The following KCNC1 variants were observed in gnomAD, a reference collection of about 807,000 sequenced individuals.
The protein encoded by KCNC1 is potassium voltage-gated channel subfamily C member 1.
A neutral mutation model predicts 43.4 loss-of-function variants in KCNC1; 8 were observed. The observed-to-expected ratio is 0.18, with a 90% confidence interval of 0.11 to 0.33. The LOEUF (loss-of-function observed/expected upper bound fraction) is 0.33. Ranked by LOEUF, KCNC1 falls within the 10% of genes least tolerant of loss-of-function variation. The pLI is 1.00. For missense variants in KCNC1, 420 were observed against 836.0 expected (o/e 0.50, Z 6.14); for synonymous variants, 361 against 360.5 (o/e 1.00, Z -0.01).
chr11:17,772,197 G>A lies in KCNC1; in HGVS notation c.1103G>A (p.Arg368Lys). 4.3e-6 allele frequency: 7 copies of A among 1,614,068 alleles called. No individual in the cohort carries two copies. Among genetic ancestry groups the A allele is most frequent in the Non-Finnish European group, 5.9e-6 (7 of 1,180,022 alleles). ...GCCACCATGATCTACTACGCCGAGAGGATAGGGGCACAGCCCAATGACCCC... is the reference window on the plus strand; with the variant it reads ...GCCACCATGATCTACTACGCCGAGAAGATAGGGGCACAGCCCAATGACCCC... ...IFATMIYYAE[R>K]IGAQPNDPSA... Residue 368 changes from arginine to lysine, a missense_variant, in exon 2 of 4, where the codon AGG (arginine) becomes AAG (lysine). Physicochemically the swap from Arg to Lys is conservative, Grantham distance 26. Transcript: ENST00000265969.
chr11:17,738,825 A>G (rs1189378642), intron 1 of KCNC1, among the ~76,000 whole-genome samples: 2 of 152,098 alleles, frequency 1.3e-5, no homozygotes, highest in Admixed American at 6.5e-5. Context: ...CGGTACTGGG[A>G]TAGGAGCGGG....
chr11:17,766,440 T>C (rs1443158852), intron 1 of KCNC1, among the ~76,000 whole-genome samples: 1 of 152,166 alleles, frequency 6.6e-6, no homozygotes. Context: ...AGATCACTCA[T>C]GTGGGAAGCA....
chr11:17,738,624 C>T (rs1169286961), intron 1 of KCNC1, among the ~76,000 whole-genome samples: 1 of 152,196 alleles, frequency 6.6e-6, no homozygotes, highest in Admixed American at 6.5e-5. Flanking sequence ...CTGGCCCTCT[C>T]CTCCCACTGG....
intron 2 of KCNC1, chr11:17,775,281 T>A (rs1036878869): frequency 6.4e-6 from 6 of 935,854 alleles, no homozygotes; most frequent in Non-Finnish European, 7.6e-6. Context: ...TCTGAGGGCA[T>A]CCCTCCCGCC....
At chr11:17,748,714 GC>G (rs1848930615) in intron 1 of KCNC1, among the ~76,000 whole-genome samples, 1 of 152,030 alleles carries the variant, frequency 6.6e-6, no homozygotes, top group African/African-American at 2.4e-5. Context: ...GACGGGGCCT[GC>G]CCCATGGGTT....
In KCNC1 at chr11:17,773,932, G is replaced by C; in HGVS notation, c.1504+1334G>C. 1.0e-6 allele frequency: 1 copy of C among 985,458 alleles called. No individual in the cohort carries two copies. Among genetic ancestry groups the C allele is most frequent in the Non-Finnish European group, 1.2e-6 (1 of 829,952 alleles). The allele number at this position is 985,458 out of a possible 1,614,324, so 61.0% of individuals were successfully genotyped here. A position where few individuals can be genotyped will look rare whatever the true frequency, so the allele number is the denominator to read the frequency against. ...GCTGGCTAGCTCAGCCCCAGGTGGG[G>C]AAGTTTCCCCCTGGTTTGGGTGGCC... On this transcript the variant is annotated intron_variant, in intron 2 of 3. Transcript: ENST00000265969. This position sits in a 1 kb window ranked among gnomAD's most constrained non-coding sequence, Gnocchi z 4.1.
At chr11:17,768,870 G>C (rs530224012) in intron 1 of KCNC1, among the ~76,000 whole-genome samples, 2 of 152,348 alleles carry the variant, frequency 1.3e-5, no homozygotes, top group African/African-American at 4.8e-5. Context: ...GGCCTTCTAG[G>C]GGGGATCTGA....
At chr11:17,768,183 G>T (rs1197907103) in intron 1 of KCNC1, among the ~76,000 whole-genome samples, 3 of 152,176 alleles carry the variant, frequency 2.0e-5, no homozygotes, top group African/African-American at 7.2e-5. Context: ...TCTCCTGTGG[G>T]CCAGGGCTGT....
chr11:17,779,035 GCC>G lies in KCNC1; in HGVS notation c.1505-418_1505-417del, dbSNP rs1403892269. On this transcript the variant is annotated intron_variant, in intron 2 of 3. Transcript: ENST00000265969. The surrounding 1 kb of genome is among the most constrained non-coding windows in gnomAD (Gnocchi z 7.2). The stretch of plus-strand genomic sequence containing the variant: ...GTCAGCAGCAGAGGGGTCCGGAAAG[GCC>G]CCTCTCTGGACTGGAGTGTTTCTGC... 3 of 159,024 alleles carry G rather than the reference GCC, an allele frequency of 1.9e-5. No homozygotes were observed. The highest frequency in any genetic ancestry group is 4.1e-5 in the Non-Finnish European group (3 of 72,702). 9.9% of individuals were successfully genotyped at this position (159,024 alleles called of 1,614,324 possible).
At chr11:17,748,744 A>G (rs1351101797) in intron 1 of KCNC1, among the ~76,000 whole-genome samples, 1 of 152,132 alleles carries the variant, frequency 6.6e-6, no homozygotes, top group Non-Finnish European at 1.5e-5. Flanking sequence ...GTTCCAGCCC[A>G]GGGCTCAGTT....
chr11:17,777,747 CT>C lies in KCNC1; in HGVS notation c.1505-1700del, dbSNP rs1011942363. 15 of 980,404 alleles carry C rather than the reference CT, an allele frequency of 1.5e-5. No individual in the cohort carries two copies. Among genetic ancestry groups the C allele is most frequent in the Middle Eastern group, 1.1e-3 (2 of 1,898 alleles). The allele number at this position is 980,404 out of a possible 1,614,324, so 60.7% of individuals were successfully genotyped here. The stretch of plus-strand genomic sequence containing the variant: ...ATGCTTTGCCATCTTGTACGAAAGA[CT>C]TTTTTTTTAAGTTCCAAAATTATGA... On this transcript the variant is annotated intron_variant, in intron 2 of 3. Transcript: ENST00000265969. This position sits in a 1 kb window ranked among gnomAD's most constrained non-coding sequence, Gnocchi z 4.3.
chr11:17,737,279 G>A (rs1251765722), intron 1 of KCNC1, among the ~76,000 whole-genome samples: 5 of 152,162 alleles, frequency 3.3e-5, no homozygotes, highest in Admixed American at 3.3e-4. Context: ...CCTCCTTGTC[G>A]AAAGCGGAGG....
chr11:17,766,011 C>A, intron 1 of KCNC1: 1 of 152,946 alleles, frequency 6.5e-6, no homozygotes. Context: ...TGGGCTGGAG[C>A]TGCCTGTCCT....
chr11:17,774,050 T>C (rs1008450832), intron 2 of KCNC1: 1 of 985,530 alleles, frequency 1.0e-6, no homozygotes, highest in Non-Finnish European at 1.2e-6. Flanking sequence ...CCCACAGCTA[T>C]GCTGGCCCGA....
chr11:17,766,775 C>T (rs886387675), intron 1 of KCNC1, among the ~76,000 whole-genome samples: 12 of 152,168 alleles, frequency 7.9e-5, no homozygotes, highest in African/African-American at 2.7e-4. Context: ...GCCATTTAGA[C>T]ACAATCAGGG....
In KCNC1 at chr11:17,776,792, T is replaced by C; in HGVS notation, c.1505-2664T>C. 1 of 985,286 alleles carries C rather than the reference T, an allele frequency of 1.0e-6. No individual in the cohort carries two copies. Among genetic ancestry groups the C allele is most frequent in the Non-Finnish European group, 1.2e-6 (1 of 829,986 alleles). The allele number at this position is 985,286 out of a possible 1,614,324, so 61.0% of individuals were successfully genotyped here. A position where few individuals can be genotyped will look rare whatever the true frequency, so the allele number is the denominator to read the frequency against. ...CCTATTCATGGGTTCCCCAGATTTA[T>C]ACAGTTGGCCCCTCGTTGGTTTCTC... On this transcript the variant is annotated intron_variant, in intron 2 of 3. Transcript: ENST00000265969. This position sits in a 1 kb window ranked among gnomAD's most constrained non-coding sequence, Gnocchi z 4.4.
rs544073073 is a variant in KCNC1 at position 17,745,446 on chromosome 11, A to AC, written c.570+8881dup. Among the ~76,000 whole-genome samples the AC allele has an allele frequency of 3.3e-3, 493 of 151,098 alleles. 2 individuals are homozygous for AC. Among genetic ancestry groups the AC allele is most frequent in the Non-Finnish European group, 5.2e-3 (355 of 67,758 alleles). On this transcript the variant is annotated intron_variant, in intron 1 of 3. Transcript: ENST00000265969. Reference sequence around the variant, plus strand: ...GAGTGCATCGCACCCCTCCACAGCTACCCCCCCGTGGAAGCCCCTGCCCTC... The same window carrying AC: ...GAGTGCATCGCACCCCTCCACAGCTACCCCCCCCGTGGAAGCCCCTGCCCTC...
chr11:17,774,318 G>C lies in KCNC1; in HGVS notation c.1504+1720G>C, dbSNP rs993966990. The C allele has an allele frequency of 1.4e-5, 14 of 985,442 alleles. No individual in the cohort carries two copies. In the African/African-American group the frequency reaches 2.4e-4, roughly 17 times the overall value. 61.0% of individuals were successfully genotyped at this position (985,442 alleles called of 1,614,324 possible). A position where few individuals can be genotyped will look rare whatever the true frequency, so the allele number is the denominator to read the frequency against. On this transcript the variant is annotated intron_variant, in intron 2 of 3. Transcript: ENST00000265969. ...CCCAGCTTCCATGTGGGCCTGGCAA[G>C]AAGAGCTCAGCCTGAGTGGCATCAC...
chr11:17,781,316 G>C lies in KCNC1; in HGVS notation c.1694-354G>C. 4.2e-6 allele frequency: 1 copy of C among 236,392 alleles called. No homozygotes were observed. Among genetic ancestry groups the C allele is most frequent in the Non-Finnish European group, 8.2e-6 (1 of 121,596 alleles). The allele number at this position is 236,392 out of a possible 1,614,324, so 14.6% of individuals were successfully genotyped here. On this transcript the variant is annotated intron_variant, in intron 3 of 3. Transcript: ENST00000265969. This position sits in a 1 kb window ranked among gnomAD's most constrained non-coding sequence, Gnocchi z 5.1. ...GCTTAGGTGCCAGAGTCTTTGGGAG[G>C]CGCTAAGGGTGAAGTGTCCCCACCT...
Sources: gnomAD v4.1 joint callset for allele counts (sites outside exome capture counted in the v4.1 genomes callset) on GRCh38, gnomAD v4.1.1 for gene constraint, Gnocchi (gnomAD v3.1) non-coding constraint, MANE v1.5 for transcripts, NCBI Gene and HGNC (gene_info 2026-07-23, HGNC 2026-07-21) for gene names.